Variants in OXNAD1 observed in about 807,000 individuals in gnomAD.
OXNAD1 encodes the protein oxidoreductase NAD-binding domain-containing protein 1.
A neutral mutation model predicts 32.9 loss-of-function variants in OXNAD1; 34 were observed. The ratio of observed to expected loss-of-function variants is 1.03; its 90% CI spans 0.79 to 1.38. The LOEUF is 1.38. OXNAD1 is among the 40% of genes most tolerant of loss of function. The pLI is 0.00. For synonymous variants in OXNAD1, 134 were observed against 135.2 expected (o/e 0.99, Z 0.06); for missense variants, 407 against 379.4 (o/e 1.07, Z -0.60).
intron 4 of OXNAD1, among the ~76,000 whole-genome samples, chr3:16,279,096 C>T (rs1463142221): frequency 6.6e-6 from 1 of 152,194 alleles, no homozygotes; most frequent in Non-Finnish European, 1.5e-5. Flanking sequence ...GCTTGATGGT[C>T]AAAGAACCTT....
At position 16,323,449 on chromosome 3, in the gene OXNAD1, C is replaced by T. The variant is rs767056242; in HGVS notation, c.*31-13663C>T. 24 of 1,610,784 alleles carry T rather than the reference C, an allele frequency of 1.5e-5. No individual in the cohort carries two copies. Among genetic ancestry groups the T allele is most frequent in the Non-Finnish European group, 1.9e-5 (22 of 1,177,330 alleles). On this transcript the variant is annotated intron_variant, in intron 9 of 9. Transcript: ENST00000435829. ...AAAGACAATCTGCTTGGTGGATACA[C>T]TCCCCTCGCTGTAACACACGGAGCT...
chr3:16,304,259 T>A lies in OXNAD1; in HGVS notation c.*697T>A, dbSNP rs970591497. 1 of 152,326 alleles carries A rather than the reference T, an allele frequency of 6.6e-6. No individual in the cohort carries two copies. Among genetic ancestry groups the A allele is most frequent in the African/African-American group, 2.4e-5 (1 of 41,482 alleles). 9.4% of individuals were successfully genotyped at this position (152,326 alleles called of 1,614,324 possible). A position where few individuals can be genotyped will look rare whatever the true frequency, so the allele number is the denominator to read the frequency against. On this transcript the variant is annotated 3_prime_UTR_variant, in exon 9 of 9. Transcript: ENST00000285083. The surrounding 1 kb of genome is among the most constrained non-coding windows in gnomAD (Gnocchi z 4.6). The stretch of plus-strand genomic sequence containing the variant: ...CTTAACGCTGTAGGAGGCAGCTTCT[T>A]GCTTGGGACAAAGGCATTGGTGATG...
At chr3:16,347,828 CT>C (rs1007872849) in intron 9 of OXNAD1, 1 of 152,202 alleles carries the variant, frequency 6.6e-6, no homozygotes, top group Admixed American at 6.5e-5. Context: ...CTCAATGGGA[CT>C]TTTTTACACA....
rs2066912022 is a variant in OXNAD1, at chr3:16,297,913, G to A, written c.432+2916G>A. Among the ~76,000 whole-genome samples, 1 of 152,150 alleles carries A rather than the reference G, an allele frequency of 6.6e-6. No individual in the cohort carries two copies. Among genetic ancestry groups the A allele is most frequent in the African/African-American group, 2.4e-5 (1 of 41,430 alleles). On this transcript the variant is annotated intron_variant, in intron 6 of 8. Coordinates refer to ENST00000285083, the MANE Select transcript of OXNAD1 (RefSeq NM_138381.5). This position sits in a 1 kb window ranked among gnomAD's most constrained non-coding sequence, Gnocchi z 4.3. Reference sequence around the variant, plus strand: ...TTTTGATTTTGATGATTGTTACCCAGATCTATATGTGTGTTAAAATTCATA... The same window carrying A: ...TTTTGATTTTGATGATTGTTACCCAAATCTATATGTGTGTTAAAATTCATA...
At chr3:16,308,423 A>G (rs1464705830), downstream of OXNAD1, among the ~76,000 whole-genome samples, 2 of 152,258 alleles carry the variant, frequency 1.3e-5, no homozygotes, top group African/African-American at 4.8e-5. This position sits in a 1 kb window ranked among gnomAD's most constrained non-coding sequence, Gnocchi z 4.4. Context: ...TGATTGTCAA[A>G]TGATCCAAGG....
At chr3:16,307,397 A>G (rs912436418), downstream of OXNAD1, among the ~76,000 whole-genome samples, 8 of 152,168 alleles carry the variant, frequency 5.3e-5, no homozygotes, top group Non-Finnish European at 1.0e-4. Flanking sequence ...GTGTGGTGTT[A>G]AGAAGCCTCA....
Position 16,305,821 on chromosome 3 carries a change from C to G in OXNAD1, c.*2259C>G, listed in dbSNP as rs1227527199. Reference sequence around the variant, plus strand: ...CTGCCTACCTACCTACATGATAGGGCTGTTACGGGGATTGAAGGTGATCAT... The same window carrying G: ...CTGCCTACCTACCTACATGATAGGGGTGTTACGGGGATTGAAGGTGATCAT... On this transcript the variant is annotated 3_prime_UTR_variant, in exon 9 of 9. Transcript: ENST00000285083. The surrounding 1 kb of genome is among the most constrained non-coding windows in gnomAD (Gnocchi z 4.5). 1 of 152,204 alleles carries G rather than the reference C, an allele frequency of 6.6e-6. No individual in the cohort carries two copies. The highest frequency in any genetic ancestry group is 1.5e-5 in the Non-Finnish European group (1 of 68,036). 9.4% of individuals were successfully genotyped at this position (152,204 alleles called of 1,614,324 possible). A position where few individuals can be genotyped will look rare whatever the true frequency, so the allele number is the denominator to read the frequency against.
rs556826670 is a variant in OXNAD1, at chr3:16,346,114, C to T, written c.*31-3062C>T. 6.6e-6 allele frequency: 1 copy of T among 152,194 alleles called. No homozygotes were observed. Among genetic ancestry groups the T allele is most frequent in the East Asian group, 1.9e-4 (1 of 5,164 alleles). 9.4% of individuals were successfully genotyped at this position (152,194 alleles called of 1,614,324 possible). A position where few individuals can be genotyped will look rare whatever the true frequency, so the allele number is the denominator to read the frequency against. On this transcript the variant is annotated intron_variant, in intron 9 of 9. Coordinates refer to the OXNAD1 transcript ENST00000606098. The surrounding 1 kb of genome is among the most constrained non-coding windows in gnomAD (Gnocchi z 4.4). ...CTATGATTTAGGGTCTTCCAGCACC[C>T]CTCAGGAAGCTTGACAATGAAGAGG...
chr3:16,338,152 C>T (rs1488921359), downstream of OXNAD1, among the ~76,000 whole-genome samples: 3 of 152,204 alleles, frequency 2.0e-5, no homozygotes, highest in African/African-American at 2.4e-5. The surrounding 1 kb of genome is among the most constrained non-coding windows in gnomAD (Gnocchi z 5.3). Context: ...GTTTCTCTAA[C>T]GTCAGTTACT....
Position 16,322,775 on chromosome 3 carries a change from A to C in OXNAD1, c.*31-14337A>C, listed in dbSNP as rs1299124826. On this transcript the variant is annotated intron_variant, in intron 9 of 9. Transcript: ENST00000435829. The surrounding 1 kb of genome is among the most constrained non-coding windows in gnomAD (Gnocchi z 6.2). ...GTCTCTGTGCGACTGTTTCTAGGGT[A>C]GTTCAGAGTCCGGAGAGGGGGAAAA... is the stretch of plus-strand genomic sequence containing the variant. 6.6e-6 allele frequency among the ~76,000 whole-genome samples: 1 copy of C among 152,164 alleles called. No homozygotes were observed. The highest frequency in any genetic ancestry group is 1.5e-5 in the Non-Finnish European group (1 of 68,032).
chr3:16,274,218 T>C (rs1175444973), intron 4 of OXNAD1, among the ~76,000 whole-genome samples: 1 of 151,422 alleles, frequency 6.6e-6, no homozygotes, highest in African/African-American at 2.4e-5. Flanking sequence ...TAAAATATAC[T>C]TAAATATATT....
At chr3:16,278,484 C>T (rs2065508403) in intron 4 of OXNAD1, among the ~76,000 whole-genome samples, 1 of 152,182 alleles carries the variant, frequency 6.6e-6, no homozygotes, top group Non-Finnish European at 1.5e-5. Flanking sequence ...TAGGATGACC[C>T]TGCTTCCTCA....
At chr3:16,300,165 C>G (rs1322190523) in intron 6 of OXNAD1, among the ~76,000 whole-genome samples, 1 of 152,068 alleles carries the variant, frequency 6.6e-6, no homozygotes, top group Non-Finnish European at 1.5e-5. Flanking sequence ...TAGAACTGTC[C>G]TGAAATGAAA....
At chr3:16,325,154 C>G (rs2069570355) in intron 9 of OXNAD1, among the ~76,000 whole-genome samples, 1 of 152,204 alleles carries the variant, frequency 6.6e-6, no homozygotes, top group Non-Finnish European at 1.5e-5. Flanking sequence ...TGTGTAGCGG[C>G]TAGGCTGGGT....
Position 16,303,690 on chromosome 3 carries a change from G to T in OXNAD1, c.*128G>T. Reference sequence around the variant, plus strand: ...TATTTTTTAAGGCTATAAACTTAGTGACCAGCTGGATAATAAAAGCCAGCT... The same window carrying T: ...TATTTTTTAAGGCTATAAACTTAGTTACCAGCTGGATAATAAAAGCCAGCT... On this transcript the variant is annotated 3_prime_UTR_variant, in exon 9 of 9. Coordinates refer to ENST00000285083, the MANE Select transcript of OXNAD1 (RefSeq NM_138381.5). The surrounding 1 kb of genome is among the most constrained non-coding windows in gnomAD (Gnocchi z 4.8). The T allele has an allele frequency of 9.6e-7, 1 of 1,046,170 alleles. No homozygotes were observed. The allele number at this position is 1,046,170 out of a possible 1,614,324, so 64.8% of individuals were successfully genotyped here.
In OXNAD1 at chr3:16,312,229, T is replaced by C. The variant is rs560806122; in HGVS notation, c.*30+8637T>C. ...GCTCATTGGGTCTTGTCCTTAGATC[T>C]CATGTCCACACACTTCCCTGTTCAA... On this transcript the variant is annotated intron_variant, in intron 9 of 9. Transcript: ENST00000435829. This position sits in a 1 kb window ranked among gnomAD's most constrained non-coding sequence, Gnocchi z 4.7. Among the ~76,000 whole-genome samples the C allele has an allele frequency of 2.6e-4, 39 of 152,276 alleles. No homozygotes were observed. Among genetic ancestry groups the C allele is most frequent in the Admixed American group, 1.7e-3 (26 of 15,294 alleles).
In OXNAD1 at chr3:16,287,747, A is replaced by C. The variant is rs1553701837; in HGVS notation, c.290+1299A>C. 6.6e-6 allele frequency among the ~76,000 whole-genome samples: 1 copy of C among 152,196 alleles called. No individual in the cohort carries two copies. The highest frequency in any genetic ancestry group is 1.5e-5 in the Non-Finnish European group (1 of 68,034). ...CGTGGTGTGCCTGCAAGTGTAATGC[A>C]CTTGCTAACCTCAGTTACCTGATAA... On this transcript the variant is annotated intron_variant, in intron 5 of 8. Transcript: ENST00000285083. This position sits in a 1 kb window ranked among gnomAD's most constrained non-coding sequence, Gnocchi z 4.8.
intron 9 of OXNAD1, chr3:16,323,530 A>C: frequency 9.2e-7 from 1 of 1,083,624 alleles, no homozygotes; most frequent in Non-Finnish European, 1.4e-6. Flanking sequence ...AGATGTTGCC[A>C]TCCCTAATTT....
At chr3:16,333,054 C>T (rs1355795089) in intron 9 of OXNAD1, among the ~76,000 whole-genome samples, 1 of 152,220 alleles carries the variant, frequency 6.6e-6, no homozygotes, top group African/African-American at 2.4e-5. Context: ...ATTGAACTTG[C>T]AGCCAACAGC....
Sources: allele counts gnomAD v4.1 joint callset (sites outside exome capture counted in the v4.1 genomes callset), GRCh38; gene constraint gnomAD v4.1.1; non-coding constraint Gnocchi (gnomAD v3.1); transcripts MANE v1.5; gene names NCBI Gene and HGNC (gene_info 2026-07-23, HGNC 2026-07-21).